DIP2A: variants seen among roughly 807,000 people sequenced by gnomAD.
The protein encoded by DIP2A is disco-interacting protein 2 homolog A.
A neutral mutation model predicts 177.4 loss-of-function variants in DIP2A; 85 were observed. The observed-to-expected ratio is 0.48, with a 90% CI of 0.40 to 0.57. The LOEUF is 0.57. DIP2A is among the 20% of genes least tolerant of loss of function. DIP2A has a pLI of 0.00. For missense variants in DIP2A, 1,791 were observed against 2,100.2 expected (o/e 0.85, Z 2.88); for synonymous variants, 886 against 881.8 (o/e 1.00, Z -0.08).
chr21:46,526,677 G>A (rs747202834), intron 8 of DIP2A, among the ~76,000 whole-genome samples: 2 of 152,164 alleles, frequency 1.3e-5, no homozygotes, highest in Non-Finnish European at 2.9e-5. Flanking sequence ...TTACAGGTGT[G>A]AGCCACTGCG....
intron 19 of DIP2A, 139 bp downstream of exon 19, chr21:46,545,412 C>A: frequency 1.9e-6 from 2 of 1,027,490 alleles, no homozygotes; most frequent in Non-Finnish European, 2.8e-6. Flanking sequence ...GGGCTGTTGG[C>A]ACATGGCCTG....
chr21:46,475,861 T>A (rs758214025), intron 1 of DIP2A, among the ~76,000 whole-genome samples: 1 of 152,224 alleles, frequency 6.6e-6, no homozygotes, highest in Non-Finnish European at 1.5e-5. Flanking sequence ...CGATAGTGTT[T>A]TTGCATATTT....
chr21:46,495,244 T>TCTCTCTCTCTC (rs2057273584), intron 3 of DIP2A, among the ~76,000 whole-genome samples: 6 of 38,176 alleles, frequency 1.6e-4, no homozygotes, highest in African/African-American at 3.5e-4. Flanking sequence ...CTTCTCTTCT[T>TCTCTCTCTCTC]TCTCTCTCTC....
At chr21:46,475,709 G>C (rs1314825527) in intron 1 of DIP2A, among the ~76,000 whole-genome samples, 1 of 152,142 alleles carries the variant, frequency 6.6e-6, no homozygotes, top group Non-Finnish European at 1.5e-5. Context: ...ATGAAGATTT[G>C]GACACATTAG....
At chr21:46,461,095 TCAGAA>T (rs2054259512) in intron 1 of DIP2A, among the ~76,000 whole-genome samples, 1 of 151,152 alleles carries the variant, frequency 6.6e-6, no homozygotes, top group Non-Finnish European at 1.5e-5. Flanking sequence ...AGACGGGAGT[TCAGAA>T]CAGCTTGGGT....
intron 8 of DIP2A, among the ~76,000 whole-genome samples, chr21:46,515,314 G>C (rs2058521651): frequency 6.6e-6 from 1 of 152,190 alleles, no homozygotes; most frequent in Non-Finnish European, 1.5e-5. Flanking sequence ...TCTACATTGT[G>C]GCTTGACAGC....
rs1158007105 is a variant in DIP2A, at chr21:46,568,950, T to G, written c.*1328T>G. The G allele has an allele frequency of 2.0e-5, 3 of 152,230 alleles. No individual in the cohort carries two copies. The highest frequency in any genetic ancestry group is 4.8e-5 in the African/African-American group (2 of 41,462). The allele number at this position is 152,230 out of a possible 1,614,324, so 9.4% of individuals were successfully genotyped here. A position where few individuals can be genotyped will look rare whatever the true frequency, so the allele number is the denominator to read the frequency against. On this transcript the variant is annotated 3_prime_UTR_variant, in exon 38 of 38. Transcript: ENST00000417564. The stretch of plus-strand genomic sequence containing the variant: ...TATAAAATTTGGCCAAACCATTTTA[T>G]TATTTTGTTCAAACTTGACTAAGCT...
In DIP2A at chr21:46,551,841, C is replaced by T. The variant is rs567294686; in HGVS notation, c.2967C>T (p.Asp989=). Residue 989 remains aspartate, a synonymous_variant, in exon 25 of 38, where the codon GAC becomes GAT. Coordinates refer to ENST00000417564, the MANE Select transcript of DIP2A (RefSeq NM_015151.4). ...DQARKFLFLA[D]VLQWRAHTTP... ...TCGTGCAGTTCCTGTTCCTGGCTGA[C>T]GTGCTGCAGTGGCGTGCCCACACCA... 34 of 1,612,500 alleles carry T rather than the reference C, an allele frequency of 2.1e-5. No individual in the cohort carries two copies. Among genetic ancestry groups the T allele is most frequent in the Middle Eastern group, 1.7e-4 (1 of 6,056 alleles).
chr21:46,468,843 T>C (rs1371097065), intron 1 of DIP2A, among the ~76,000 whole-genome samples: 1 of 152,220 alleles, frequency 6.6e-6, no homozygotes, highest in Admixed American at 6.5e-5. Flanking sequence ...TATAGGTTAA[T>C]CATGTCGATT....
At chr21:46,484,432 G>C (rs995346347) in intron 1 of DIP2A, among the ~76,000 whole-genome samples, 1 of 152,122 alleles carries the variant, frequency 6.6e-6, no homozygotes. Flanking sequence ...CCCAGCCCCT[G>C]GCAACCACTA....
Position 46,556,072 on chromosome 21 carries a change from G to A in DIP2A, c.3479G>A (p.Gly1160Glu). 1 of 1,613,898 alleles carries A rather than the reference G, an allele frequency of 6.2e-7. No homozygotes were observed. The highest frequency in any genetic ancestry group is 1.3e-5 in the African/African-American group (1 of 75,020). ...TTGGACTTCAGCGTGTCAACCACTGGGATATTAGCGGGAGTGAAGGTAGGT... is the reference window on the plus strand; with the variant it reads ...TTGGACTTCAGCGTGTCAACCACTGAGATATTAGCGGGAGTGAAGGTAGGT... ...AYLDFSVSTT[G>E]ILAGVKMSHA... is the part of the protein sequence containing the mutation. Residue 1160 changes from glycine to glutamate, a missense_variant, in exon 29 of 38, where the codon GGG (glycine) becomes GAG (glutamate). Coordinates refer to ENST00000417564, the MANE Select transcript of DIP2A (RefSeq NM_015151.4). This position sits in a 1 kb window ranked among gnomAD's most constrained non-coding sequence, Gnocchi z 4.5.
chr21:46,580,438 A>G, the DIP2A span, among the ~76,000 whole-genome samples: 2 of 152,160 alleles, frequency 1.3e-5, no homozygotes, highest in African/African-American at 4.8e-5. Flanking sequence ...CATTTAGTTC[A>G]TTTACATTTA....
At chr21:46,493,385 C>A (rs1277363916) in intron 3 of DIP2A, among the ~76,000 whole-genome samples, 1 of 152,144 alleles carries the variant, frequency 6.6e-6, no homozygotes, top group Non-Finnish European at 1.5e-5. Flanking sequence ...CCAAATCCAT[C>A]ACAAGGGTCT....
intron 8 of DIP2A, among the ~76,000 whole-genome samples, chr21:46,517,215 C>G (rs945774629): frequency 3.3e-5 from 5 of 151,854 alleles, no homozygotes; most frequent in South Asian, 4.2e-4. Flanking sequence ...GTGCACAGCA[C>G]TACGCCCAGC....
intron 20 of DIP2A, chr21:46,546,404 CAAGG>C: frequency 1.3e-6 from 1 of 764,064 alleles, no homozygotes; most frequent in Non-Finnish European, 1.6e-6. Flanking sequence ...TGTCACAACT[CAAGG>C]GAGGGGAGTG....
intron 1 of DIP2A, among the ~76,000 whole-genome samples, chr21:46,480,390 G>A (rs1055911803): frequency 9.2e-5 from 14 of 152,172 alleles, no homozygotes; most frequent in Non-Finnish European, 1.9e-4. Context: ...ACCTCCCACT[G>A]GGTCCCTCCC....
the DIP2A span, among the ~76,000 whole-genome samples, chr21:46,583,093 A>G: frequency 1.3e-5 from 2 of 152,194 alleles, no homozygotes; most frequent in African/African-American, 4.8e-5. Flanking sequence ...AGCCACAAGA[A>G]AGCTGGAGTG....
chr21:46,580,073 T>C, the DIP2A span, among the ~76,000 whole-genome samples: 1 of 152,218 alleles, frequency 6.6e-6, no homozygotes, highest in African/African-American at 2.4e-5. Flanking sequence ...GCTATTATTG[T>C]GTGAGAGTCT....
chr21:46,539,895 A>G lies in DIP2A; in HGVS notation c.1940A>G (p.Asp647Gly). The G allele has an allele frequency of 6.2e-7, 1 of 1,613,818 alleles. No individual in the cohort carries two copies. The highest frequency in any genetic ancestry group is 8.5e-7 in the Non-Finnish European group (1 of 1,179,848). ...GANPWSISSCDAFLNVFQSRG... is the reference protein window; with the variant it reads ...GANPWSISSCGAFLNVFQSRG... ...TGTGCAGGGTCGATCTCCTCCTGTGACGCCTTCCTCAACGTCTTCCAGTCC... is the reference window on the plus strand; with the variant it reads ...TGTGCAGGGTCGATCTCCTCCTGTGGCGCCTTCCTCAACGTCTTCCAGTCC... The change falls in exon 17 of 38, where the codon GAC becomes GGC. Residue 647 changes from aspartate to glycine, a missense_variant. Coordinates refer to ENST00000417564, the MANE Select transcript of DIP2A (RefSeq NM_015151.4).
Sources: gnomAD v4.1 joint callset for allele counts (sites outside exome capture counted in the v4.1 genomes callset) on GRCh38, gnomAD v4.1.1 for gene constraint, Gnocchi (gnomAD v3.1) non-coding constraint, MANE v1.5 for transcripts, NCBI Gene and HGNC (gene_info 2026-07-23, HGNC 2026-07-21) for gene names.